Variants in CBX1 observed in about 807,000 individuals in gnomAD.
The protein encoded by CBX1 is chromobox 1, also known as chromobox protein homolog 1.
CBX1 carries 10 observed loss-of-function variants against 25.1 expected under a neutral mutation model. The ratio of observed to expected loss-of-function variants is 0.40; its 90% CI spans 0.25 to 0.68. The LOEUF (loss-of-function observed/expected upper bound fraction) is 0.68, where lower values mean the gene tolerates loss of function less well. Among genes scored for constraint, CBX1 ranks in the 30% least tolerant of loss-of-function variants. CBX1 has a pLI of 0.40. For missense variants in CBX1, 106 were observed against 218.5 expected, an observed-to-expected ratio of 0.49 and a Z score of 3.25; for synonymous variants, 63 against 79.4, an observed-to-expected ratio of 0.79 and a Z score of 1.10.
chr17:48,079,065 G>A (rs1318050189), intron 1 of CBX1, among the ~76,000 whole-genome samples: 2 of 151,852 alleles, frequency 1.3e-5, no homozygotes, highest in Admixed American at 1.3e-4. Flanking sequence ...CCAAAGTGCT[G>A]GGATTACAGG....
intron 1 of CBX1, chr17:48,100,893 T>G (rs1409774498): frequency 2.0e-6 from 2 of 985,688 alleles, no homozygotes; most frequent in Non-Finnish European, 2.4e-6. Flanking sequence ...TGCGGTCGTA[T>G]GCGCCTCCTC....
intron 1 of CBX1, among the ~76,000 whole-genome samples, chr17:48,087,927 C>T (rs2063321963): frequency 6.6e-6 from 1 of 151,412 alleles, no homozygotes; most frequent in African/African-American, 2.4e-5. Flanking sequence ...ATGCCTAGAC[C>T]CCACTCCACA....
chr17:48,088,475 C>G (rs944522534), intron 1 of CBX1, among the ~76,000 whole-genome samples: 1 of 150,390 alleles, frequency 6.6e-6, no homozygotes, highest in African/African-American at 2.5e-5. Context: ...AAAAATTAGC[C>G]GGGCGTGGTG....
intron 1 of CBX1, among the ~76,000 whole-genome samples, chr17:48,096,006 G>A (rs111621178): frequency 0.032 from 4,816 of 152,078 alleles, 92 homozygotes; most frequent in East Asian, 0.054. Flanking sequence ...TCAGCCTCCC[G>A]AGTCACTGGG....
chr17:48,071,682 A>T, intron 4 of CBX1, 103 bp from the exon 5 acceptor site: 1 of 962,942 alleles, frequency 1.0e-6, no homozygotes, highest in Non-Finnish European at 1.5e-6. Context: ...ATTTTAGAAA[A>T]ATAGGCTAGG....
intron 1 of CBX1, among the ~76,000 whole-genome samples, chr17:48,099,250 G>GC: frequency 6.6e-6 from 1 of 152,230 alleles, no homozygotes; most frequent in East Asian, 1.9e-4. Context: ...CTACAGGCAT[G>GC]CGCCACTAGG....
chr17:48,071,900 C>T (rs1322556707), intron 4 of CBX1, among the ~76,000 whole-genome samples: 3 of 150,604 alleles, frequency 2.0e-5, no homozygotes, highest in Non-Finnish European at 4.5e-5. Context: ...GAGAGGATAC[C>T]TAGATTCTCT....
intron 1 of CBX1, among the ~76,000 whole-genome samples, chr17:48,094,662 G>A (rs530219871): frequency 1.3e-5 from 2 of 149,078 alleles, no homozygotes; most frequent in East Asian, 4.0e-4. Context: ...TCCGGAAAAC[G>A]GGGTTAGGAT....
intron 1 of CBX1, among the ~76,000 whole-genome samples, chr17:48,078,790 T>A (rs1296683238): frequency 9.8e-5 from 12 of 122,718 alleles, no homozygotes; most frequent in African/African-American, 4.3e-4. Flanking sequence ...GCCTGGACTT[T>A]TTTTTTTTTT....
chr17:48,080,719 G>A (rs1598306880), intron 1 of CBX1, among the ~76,000 whole-genome samples: 1 of 150,708 alleles, frequency 6.6e-6, no homozygotes, highest in South Asian at 2.1e-4. Context: ...TCAGGAGTTC[G>A]AGACCAGCTT....
chr17:48,077,448 T>TTTG lies in CBX1; in HGVS notation c.-37-408_-37-407insCAA, dbSNP rs1567764388. 1.8e-3 allele frequency among the ~76,000 whole-genome samples: 128 copies of TTTG among 72,060 alleles called. 3 individuals are homozygous for TTTG. Among genetic ancestry groups the TTTG allele is most frequent in the East Asian group, 0.012 (15 of 1,274 alleles). 47.3% of individuals were successfully genotyped at this position (72,060 alleles called of 152,430 possible). ...AATTTTTGTTGTTTTTTTTTTTGTT[T>TTTG]TTTTTGTTTTTTTTTTTTTAGTAGA... On this transcript the variant is annotated intron_variant, in intron 1 of 4. Transcript: ENST00000225603.
At chr17:48,082,520 A>G (rs1188520212) in intron 1 of CBX1, among the ~76,000 whole-genome samples, 1 of 148,632 alleles carries the variant, frequency 6.7e-6, no homozygotes, top group Non-Finnish European at 1.5e-5. Context: ...AAAAAAAAAA[A>G]AAAAAGGAAA....
At chr17:48,090,085 T>C (rs1276593423) in intron 1 of CBX1, among the ~76,000 whole-genome samples, 1 of 151,792 alleles carries the variant, frequency 6.6e-6, no homozygotes, top group African/African-American at 2.4e-5. Flanking sequence ...TTTGTATTTT[T>C]AGTAGAGATG....
chr17:48,099,133 G>C (rs944765378), intron 1 of CBX1, among the ~76,000 whole-genome samples: 1 of 151,836 alleles, frequency 6.6e-6, no homozygotes, highest in Non-Finnish European at 1.5e-5. Context: ...ACAGAGTCTC[G>C]CTCTGTTGCC....
intron 1 of CBX1, among the ~76,000 whole-genome samples, chr17:48,093,802 T>C (rs930991155): frequency 6.6e-6 from 1 of 152,152 alleles, no homozygotes; most frequent in Non-Finnish European, 1.5e-5. Context: ...CTCCATAGCT[T>C]TGCTCATCTA....
chr17:48,100,025 G>C (rs1455543906), intron 1 of CBX1, among the ~76,000 whole-genome samples: 1 of 151,692 alleles, frequency 6.6e-6, no homozygotes. Context: ...TGTAATCCCA[G>C]CTAGTCGGGA....
intron 1 of CBX1, among the ~76,000 whole-genome samples, chr17:48,094,051 T>G (rs181244333): frequency 1.4e-4 from 20 of 144,406 alleles, no homozygotes; most frequent in African/African-American, 4.9e-4. Flanking sequence ...GAGGCGGAAG[T>G]TGCGATGCGC....
In CBX1 at chr17:48,076,870, G is replaced by A; in HGVS notation, c.135C>T (p.Phe45=). The A allele has an allele frequency of 6.2e-7, 1 of 1,609,396 alleles. No individual in the cohort carries two copies. The highest frequency in any genetic ancestry group is 1.3e-5 in the African/African-American group (1 of 74,842). ...KVEYLLKWKG[F]SDEDNTWEPE... ...CCTGTGTCAGTGAAACTTACTCTGA[G>A]AATCCCTTCCACTTTAGGAGGTACT... Residue 45 remains phenylalanine (F), a synonymous_variant, in exon 2 of 5, where the codon TTC becomes TTT. Transcript: ENST00000225603.
chr17:48,088,840 C>T (rs1173378540), intron 1 of CBX1: 1 of 151,800 alleles, frequency 6.6e-6, no homozygotes, highest in Non-Finnish European at 1.5e-5. Flanking sequence ...ATAAAGATCT[C>T]CATCCCTAAC....
Sources: gnomAD v4.1 joint callset for allele counts (sites outside exome capture counted in the v4.1 genomes callset) on GRCh38, gnomAD v4.1.1 for gene constraint, MANE v1.5 for transcripts, NCBI Gene and HGNC (gene_info 2026-07-23, HGNC 2026-07-21) for gene names.